Variants in USP12 observed in about 807,000 individuals in gnomAD.
The protein encoded by USP12 is ubiquitin carboxyl-terminal hydrolase 12.
Under a neutral mutation model 45.5 loss-of-function variants are expected in USP12, and 19 were observed. The ratio of observed to expected loss-of-function variants is 0.42; its 90% CI spans 0.29 to 0.61. The LOEUF (loss-of-function observed/expected upper bound fraction) is 0.61. USP12 is among the 20% of genes least tolerant of loss of function. The pLI, the probability that USP12 is intolerant of heterozygous loss-of-function variation, is 0.22. For synonymous variants in USP12, 149 were observed against 148.8 expected (o/e 1.00, Z -0.01); for missense variants, 242 against 447.7 (o/e 0.54, Z 4.15).
At chr13:27,122,041 A>G (rs974747727) in intron 1 of USP12, among the ~76,000 whole-genome samples, 4 of 151,812 alleles carry the variant, frequency 2.6e-5, no homozygotes, top group African/African-American at 9.7e-5. Flanking sequence ...TAAAAACTCA[A>G]TGGTGTGGCC....
intron 1 of USP12, among the ~76,000 whole-genome samples, chr13:27,139,465 A>T (rs1347794009): frequency 6.6e-6 from 1 of 152,114 alleles, no homozygotes; most frequent in Non-Finnish European, 1.5e-5. Context: ...AAAATACAAA[A>T]ATCAGCTGGG....
At chr13:27,145,706 A>G (rs534300504) in intron 1 of USP12, among the ~76,000 whole-genome samples, 1 of 152,246 alleles carries the variant, frequency 6.6e-6, no homozygotes, top group African/African-American at 2.4e-5. Flanking sequence ...TTGTTTATCT[A>G]GTTGTCCTAA....
intron 1 of USP12, among the ~76,000 whole-genome samples, chr13:27,119,427 A>G (rs1373296760): frequency 6.6e-6 from 1 of 152,212 alleles, no homozygotes; most frequent in Non-Finnish European, 1.5e-5. Context: ...GCTGTAGATC[A>G]TCATCGTTTA....
chr13:27,089,758 T>C, intron 6 of USP12, 125 bp downstream of exon 6: 1 of 837,152 alleles, frequency 1.2e-6, no homozygotes, highest in South Asian at 1.8e-5. Context: ...GAACATTAAC[T>C]GTTAGTGATA....
At chr13:27,082,841 C>CT (rs1479711980) in intron 6 of USP12, among the ~76,000 whole-genome samples, 3 of 152,132 alleles carry the variant, frequency 2.0e-5, no homozygotes, top group Non-Finnish European at 2.9e-5. Context: ...AGTTCATCAT[C>CT]TTTTTCTTTT....
intron 2 of USP12, among the ~76,000 whole-genome samples, chr13:27,113,269 A>AAAAC (rs554245771): frequency 2.5e-4 from 38 of 152,148 alleles, no homozygotes; most frequent in Non-Finnish European, 4.7e-4. Flanking sequence ...AACAAAAACA[A>AAAAC]AAACAAACAA....
At chr13:27,126,881 C>A (rs1369244228) in intron 1 of USP12, among the ~76,000 whole-genome samples, 1 of 152,182 alleles carries the variant, frequency 6.6e-6, no homozygotes, top group African/African-American at 2.4e-5. Context: ...AGAAGATGTT[C>A]AGAACAATGC....
intron 1 of USP12, among the ~76,000 whole-genome samples, chr13:27,159,983 G>A (rs1397507459): frequency 1.3e-5 from 2 of 152,204 alleles, no homozygotes; most frequent in Non-Finnish European, 2.9e-5. Flanking sequence ...AAGGACACAA[G>A]GAAGTAAAAA....
intron 3 of USP12, among the ~76,000 whole-genome samples, chr13:27,101,950 T>C (rs1874879874): frequency 6.6e-6 from 1 of 152,204 alleles, no homozygotes; most frequent in South Asian, 2.1e-4. Flanking sequence ...GGACCCTTTC[T>C]ATCTCATCCC....
At position 27,068,555 on chromosome 13, in the gene USP12, CAG is replaced by C. The variant is rs1873096493; in HGVS notation, c.*726_*727del. Reference sequence around the variant, plus strand: ...ATAAAAATATGTTCAAATTTACTGACAGAATCATGGGCACTTCATATAATACT... The same window carrying C: ...ATAAAAATATGTTCAAATTTACTGACAATCATGGGCACTTCATATAATACT... On this transcript the variant is annotated 3_prime_UTR_variant, in exon 9 of 9. Transcript: ENST00000282344. 6.6e-6 allele frequency: 1 copy of C among 152,190 alleles called. No homozygotes were observed. Among genetic ancestry groups the C allele is most frequent in the Non-Finnish European group, 1.5e-5 (1 of 68,034 alleles). 9.4% of individuals were successfully genotyped at this position (152,190 alleles called of 1,614,324 possible).
chr13:27,096,213 A>G (rs910115838), intron 3 of USP12, among the ~76,000 whole-genome samples: 1 of 152,242 alleles, frequency 6.6e-6, no homozygotes, highest in Non-Finnish European at 1.5e-5. Context: ...TGCCAAGCCA[A>G]CTGCTTTAGA....
chr13:27,163,635 T>C (rs1593218146), intron 1 of USP12, among the ~76,000 whole-genome samples: 1 of 151,882 alleles, frequency 6.6e-6, no homozygotes, highest in South Asian at 2.1e-4. Context: ...AAATAGTATA[T>C]GTAAAGCCCA....
intron 6 of USP12, chr13:27,077,644 T>C (rs1873551896): frequency 6.6e-6 from 1 of 152,102 alleles, no homozygotes; most frequent in Non-Finnish European, 1.5e-5. Context: ...ATTTTAAAGA[T>C]GATGAGAGAC....
At position 27,171,610 on chromosome 13, in the gene USP12, G is replaced by A; in HGVS notation, c.30C>T (p.Phe10=). 2.3e-6 allele frequency: 3 copies of A among 1,283,058 alleles called. No individual in the cohort carries two copies. The highest frequency in any genetic ancestry group is 3.1e-6 in the Non-Finnish European group (3 of 981,674). The allele number at this position is 1,283,058 out of a possible 1,614,324, so 79.5% of individuals were successfully genotyped here. A position where few individuals can be genotyped will look rare whatever the true frequency, so the allele number is the denominator to read the frequency against. ...CACCTACCATGGTACAGATGGAGGCGAATTTGGAGACTGTCATTAGGATTT... is the reference window on the plus strand; with the variant it reads ...CACCTACCATGGTACAGATGGAGGCAAATTTGGAGACTGTCATTAGGATTT... MEILMTVSK[F]ASICTMGANA... is the part of the protein sequence containing the mutation. The change falls in exon 1 of 9, where the codon TTC becomes TTT. Residue 10 remains phenylalanine, a synonymous_variant. Coordinates refer to ENST00000282344, the MANE Select transcript of USP12 (RefSeq NM_182488.4).
intron 6 of USP12, among the ~76,000 whole-genome samples, chr13:27,087,262 T>C (rs1339998763): frequency 1.5e-4 from 1 of 6,686 alleles, no homozygotes; most frequent in Non-Finnish European, 6.9e-4. Flanking sequence ...TGTGTGTGTG[T>C]GTGTGTGTGT....
At chr13:27,078,873 C>T (rs949935583) in intron 6 of USP12, among the ~76,000 whole-genome samples, 2 of 151,950 alleles carry the variant, frequency 1.3e-5, no homozygotes, top group African/African-American at 4.8e-5. Flanking sequence ...TTATGGAATA[C>T]TCAACCTCAA....
chr13:27,142,606 T>A (rs1020196512), intron 1 of USP12, among the ~76,000 whole-genome samples: 4 of 152,206 alleles, frequency 2.6e-5, no homozygotes, highest in African/African-American at 7.2e-5. Flanking sequence ...GTAAAAGGTA[T>A]TTGGGAACTT....
chr13:27,135,247 G>A (rs932989714), intron 1 of USP12, among the ~76,000 whole-genome samples: 1 of 152,042 alleles, frequency 6.6e-6, no homozygotes, highest in African/African-American at 2.4e-5. Flanking sequence ...CACAAAACCT[G>A]GGCAATAAAG....
intron 3 of USP12, among the ~76,000 whole-genome samples, chr13:27,098,011 G>C (rs1163400471): frequency 7.2e-6 from 1 of 138,146 alleles, no homozygotes; most frequent in Admixed American, 7.5e-5. Context: ...TTGAGATGGA[G>C]TTTTGCTCTT....
Sources: allele counts gnomAD v4.1 joint callset (sites outside exome capture counted in the v4.1 genomes callset), GRCh38; gene constraint gnomAD v4.1.1; transcripts MANE v1.5; gene names NCBI Gene and HGNC (gene_info 2026-07-23, HGNC 2026-07-21).